The following KCNQ3 variants were observed in gnomAD, a reference collection of about 807,000 sequenced individuals.
KCNQ3 encodes the protein potassium voltage-gated channel subfamily Q member 3, also known as potassium voltage-gated channel subfamily KQT member 3.
KCNQ3 carries 30 observed loss-of-function variants against 92.5 expected under a neutral mutation model. The ratio of observed to expected loss-of-function variants is 0.32; its 90% CI spans 0.24 to 0.44. KCNQ3 has a LOEUF of 0.44. KCNQ3 is among the 20% of genes least tolerant of loss of function. KCNQ3 has a pLI of 1.00. For missense variants in KCNQ3, 913 were observed against 1,140.3 expected, an observed-to-expected ratio of 0.80 and a Z score of 2.87; for synonymous variants, 450 against 468.8, an observed-to-expected ratio of 0.96 and a Z score of 0.52.
At chr8:132,283,507 G>A (rs1563840054) in intron 1 of KCNQ3, among the ~76,000 whole-genome samples, 2 of 152,196 alleles carry the variant, frequency 1.3e-5, no homozygotes, top group Non-Finnish European at 2.9e-5. Context: ...GCATTTTGCT[G>A]GCAGAGATTC....
intron 1 of KCNQ3, among the ~76,000 whole-genome samples, chr8:132,215,887 T>C (rs1292189254): frequency 6.6e-6 from 1 of 152,188 alleles, no homozygotes; most frequent in Non-Finnish European, 1.5e-5. Context: ...ACTGTGCCTC[T>C]CTCCTTCTCT....
intron 1 of KCNQ3, among the ~76,000 whole-genome samples, chr8:132,304,199 G>A (rs986686344): frequency 5.3e-5 from 8 of 152,138 alleles, no homozygotes; most frequent in African/African-American, 7.2e-5. Flanking sequence ...TATTGGGTAC[G>A]ATGTACACTA....
chr8:132,154,192 AGTTTTTTTTTTTTTT>A (rs1176543750), intron 9 of KCNQ3, among the ~76,000 whole-genome samples: 6 of 104,472 alleles, frequency 5.7e-5, no homozygotes, highest in Admixed American at 3.2e-4. Flanking sequence ...AAAGGGTAAA[AGTTTTTTTTTTTTTT>A]TTTTTTTTTT....
At chr8:132,153,363 C>A (rs1825695649) in intron 9 of KCNQ3, among the ~76,000 whole-genome samples, 1 of 152,200 alleles carries the variant, frequency 6.6e-6, no homozygotes. Context: ...ACATCCTTTT[C>A]TCTCCCTTGT....
intron 1 of KCNQ3, among the ~76,000 whole-genome samples, chr8:132,317,720 G>C (rs143706398): frequency 6.6e-6 from 1 of 152,150 alleles, no homozygotes; most frequent in Admixed American, 6.5e-5. Context: ...ATCCTTCCCA[G>C]GTCCTCCCTC....
At chr8:132,165,246 A>G (rs116797380) in intron 8 of KCNQ3, among the ~76,000 whole-genome samples, 1,975 of 152,260 alleles carry the variant, frequency 0.013, 39 homozygotes, top group African/African-American at 0.044. Context: ...TCCAAGTCAC[A>G]ACATCCCATG....
intron 1 of KCNQ3, among the ~76,000 whole-genome samples, chr8:132,352,866 A>C (rs1035404211): frequency 1.3e-5 from 2 of 152,096 alleles, no homozygotes; most frequent in Non-Finnish European, 2.9e-5. Flanking sequence ...TGCTCAAGGC[A>C]CACTGCCCTG....
chr8:132,166,954 A>C (rs1826159968), intron 8 of KCNQ3, among the ~76,000 whole-genome samples: 1 of 152,188 alleles, frequency 6.6e-6, no homozygotes, highest in Admixed American at 6.5e-5. Context: ...TTGAAAACAT[A>C]TGTCCATAGA....
chr8:132,180,007 T>A, intron 4 of KCNQ3, 150 bp downstream of exon 4: 1 of 926,060 alleles, frequency 1.1e-6, no homozygotes, highest in Non-Finnish European at 1.7e-6. Context: ...CGCCACTTCC[T>A]GTTTCTCCTC....
chr8:132,339,264 T>C (rs1818451704), intron 1 of KCNQ3, among the ~76,000 whole-genome samples: 1 of 152,168 alleles, frequency 6.6e-6, no homozygotes, highest in Non-Finnish European at 1.5e-5. Flanking sequence ...AGAATCTATG[T>C]TGTATATCAT....
At chr8:132,223,222 G>A (rs1335280138) in intron 1 of KCNQ3, among the ~76,000 whole-genome samples, 2 of 152,160 alleles carry the variant, frequency 1.3e-5, no homozygotes, top group Non-Finnish European at 2.9e-5. Flanking sequence ...AAGGGAGGGT[G>A]AGAGGGAGGA....
intron 1 of KCNQ3, among the ~76,000 whole-genome samples, chr8:132,259,220 TATCC>T (rs1300044334): frequency 1.3e-5 from 2 of 152,034 alleles, no homozygotes; most frequent in Non-Finnish European, 2.9e-5. Context: ...TACAGACCAA[TATCC>T]ATTATGAATA....
rs142672373 is a variant in KCNQ3 at position 132,311,738 on chromosome 8, T to A, written c.387-125557A>T. ...AAAGGAACTGAACTGAGGAAAAAAA[T>A]TGGTCACCTCTGAAGACACTGTCCT... On this transcript the variant is annotated intron_variant, in intron 1 of 14. Transcript: ENST00000388996. 3.9e-5 allele frequency among the ~76,000 whole-genome samples: 6 copies of A among 152,230 alleles called. No individual in the cohort carries two copies. In the East Asian group the frequency reaches 1.2e-3, roughly 29 times the overall value.
intron 1 of KCNQ3, among the ~76,000 whole-genome samples, chr8:132,230,474 AG>A (rs1377609101): frequency 7.3e-5 from 11 of 151,430 alleles, no homozygotes; most frequent in African/African-American, 2.7e-4. Flanking sequence ...AGAGAGAGAG[AG>A]AGAGAGAAAA....
rs576539990 is a variant in KCNQ3, at chr8:132,122,643, C to A, written c.*6619G>T. 6.6e-6 allele frequency: 1 copy of A among 152,156 alleles called. No homozygotes were observed. Among genetic ancestry groups the A allele is most frequent in the Non-Finnish European group, 1.5e-5 (1 of 68,024 alleles). The allele number at this position is 152,156 out of a possible 1,614,324, so 9.4% of individuals were successfully genotyped here. ...GGTAGAATGACAATCTTTAAAATTACTGGGCCAACTATTGTTGTTCTAGAA... is the reference window on the plus strand; with the variant it reads ...GGTAGAATGACAATCTTTAAAATTAATGGGCCAACTATTGTTGTTCTAGAA... On this transcript the variant is annotated 3_prime_UTR_variant, in exon 15 of 15. Coordinates refer to ENST00000388996, the MANE Select transcript of KCNQ3 (RefSeq NM_004519.4).
At position 132,140,638 on chromosome 8, in the gene KCNQ3, G is replaced by A. The variant is rs1825261997; in HGVS notation, c.1466-460C>T. 3 of 249,652 alleles carry A rather than the reference G, an allele frequency of 1.2e-5. No homozygotes were observed. In the South Asian group the frequency reaches 1.7e-4, roughly 14 times the overall value. 15.5% of individuals were successfully genotyped at this position (249,652 alleles called of 1,614,324 possible). A position where few individuals can be genotyped will look rare whatever the true frequency, so the allele number is the denominator to read the frequency against. On this transcript the variant is annotated intron_variant, in intron 10 of 14. Coordinates refer to ENST00000388996, the MANE Select transcript of KCNQ3 (RefSeq NM_004519.4). ...GGAGAGAACTGAATGATACAATGAG[G>A]ATTGAGGGCCTGGGTGGGCTCAGAC...
At chr8:132,260,613 C>A (rs1174880336) in intron 1 of KCNQ3, among the ~76,000 whole-genome samples, 1 of 152,078 alleles carries the variant, frequency 6.6e-6, no homozygotes, top group Non-Finnish European at 1.5e-5. Flanking sequence ...TAGGCATTAG[C>A]TGAAAAATTG....
chr8:132,323,755 C>T (rs770626896), intron 1 of KCNQ3, among the ~76,000 whole-genome samples: 4 of 152,144 alleles, frequency 2.6e-5, no homozygotes, highest in Admixed American at 6.5e-5. Flanking sequence ...TCCCCATTCT[C>T]AGGTAAGCCA....
In KCNQ3 at chr8:132,134,530, G is replaced by A; in HGVS notation, c.1701-142C>T. ...GAGAGGAGAGGAGAAGTGAGGAGAG[G>A]AGAGGGGAGGAGAGGAGAAGTGAGG... On this transcript the variant is annotated intron_variant, in intron 12 of 14. Coordinates refer to ENST00000388996, the MANE Select transcript of KCNQ3 (RefSeq NM_004519.4). 4.6e-6 allele frequency: 3 copies of A among 651,118 alleles called. No homozygotes were observed. In the South Asian group the frequency reaches 5.0e-5, roughly 11 times the overall value. 40.3% of individuals were successfully genotyped at this position (651,118 alleles called of 1,614,324 possible).
Sources: gnomAD v4.1 joint callset for allele counts (sites outside exome capture counted in the v4.1 genomes callset) on GRCh38, gnomAD v4.1.1 for gene constraint, MANE v1.5 for transcripts, NCBI Gene and HGNC (gene_info 2026-07-23, HGNC 2026-07-21) for gene names.